DOT1L: variants seen among roughly 807,000 people sequenced by gnomAD.
DOT1L encodes the protein DOT1 like histone lysine methyltransferase.
Under a neutral mutation model 153.3 loss-of-function variants are expected in DOT1L, and 33 were observed. The observed-to-expected ratio is 0.22, with a 90% CI of 0.16 to 0.29. The LOEUF is 0.29. DOT1L is among the 10% of genes least tolerant of loss of function. The pLI, the probability that DOT1L is intolerant of heterozygous loss-of-function variation, is 1.00. For missense variants in DOT1L, 1,847 were observed against 2,119.9 expected, an observed-to-expected ratio of 0.87 and a Z score of 2.53; for synonymous variants, 1,135 against 965.1, an observed-to-expected ratio of 1.18 and a Z score of -3.26.
At chr19:2,170,930 A>G (rs918914290) in intron 1 of DOT1L, among the ~76,000 whole-genome samples, 1 of 152,036 alleles carries the variant, frequency 6.6e-6, no homozygotes, top group African/African-American at 2.4e-5. Flanking sequence ...GTCCCCCTCC[A>G]AGAGTCTCCC....
At chr19:2,218,554 T>C (rs1057455860) in intron 22 of DOT1L, among the ~76,000 whole-genome samples, 67 of 134,482 alleles carry the variant, frequency 5.0e-4, no homozygotes, top group Non-Finnish European at 7.1e-4. Context: ...CCACCACGCC[T>C]GGCTAATTTT....
chr19:2,224,559 T>C (rs1045991331), intron 25 of DOT1L, among the ~76,000 whole-genome samples: 1 of 150,918 alleles, frequency 6.6e-6, no homozygotes, highest in African/African-American at 2.4e-5. Flanking sequence ...CTCCGCCTCC[T>C]GGGTTCAAGT....
rs569621521 is a variant in DOT1L, at chr19:2,216,623, G to A, written c.2266G>A (p.Gly756Ser). 1.9e-5 allele frequency: 30 copies of A among 1,606,070 alleles called. No homozygotes were observed. In the African/African-American group the frequency reaches 2.8e-4, roughly 15 times the overall value. ...GGTGCCCTGTACCCCTAGCCACGTC[G>A]GCCGGCCGCGCCTGGAGAAGCTGTC... is the stretch of plus-strand genomic sequence containing the variant. ...EVVPCTPSHVGRPRLEKLSGL... is the reference protein window; with the variant it reads ...EVVPCTPSHVSRPRLEKLSGL... Residue 756 changes from glycine to serine, a missense_variant, in exon 20 of 28, where the codon GGC becomes AGC. Gly to Ser is a moderately conservative substitution (Grantham distance 56). Coordinates refer to ENST00000398665, the MANE Select transcript of DOT1L (RefSeq NM_032482.3).
At chr19:2,169,143 C>T (rs2020034602) in intron 1 of DOT1L, among the ~76,000 whole-genome samples, 1 of 152,058 alleles carries the variant, frequency 6.6e-6, no homozygotes, top group African/African-American at 2.4e-5. Context: ...ACAGCCTGGC[C>T]TGGAGCCCGG....
At chr19:2,178,611 G>T (rs1415597141) in intron 1 of DOT1L, among the ~76,000 whole-genome samples, 1 of 151,918 alleles carries the variant, frequency 6.6e-6, no homozygotes, top group Non-Finnish European at 1.5e-5. Context: ...TAGAGATGGG[G>T]TTTCATTGTG....
chr19:2,194,719 T>A, intron 7 of DOT1L, 142 bp downstream of exon 7: 1 of 873,466 alleles, frequency 1.1e-6, no homozygotes, highest in Non-Finnish European at 1.7e-6. Flanking sequence ...CTGGTTCTCG[T>A]AGGGCTGCCT....
chr19:2,185,808 CA>C (rs748068877), intron 2 of DOT1L, 46 bp from the exon 3 acceptor site: 23 of 1,593,826 alleles, frequency 1.4e-5, no homozygotes, highest in East Asian at 2.2e-5. Flanking sequence ...CAAAACAAAA[CA>C]AAAAAAACCA....
At chr19:2,198,454 T>A (rs2023109014) in intron 7 of DOT1L, among the ~76,000 whole-genome samples, 1 of 152,152 alleles carries the variant, frequency 6.6e-6, no homozygotes, top group Admixed American at 6.5e-5. Flanking sequence ...CCTCTGGATC[T>A]GCGTCTGGGT....
chr19:2,196,621 G>A (rs1229741942), intron 7 of DOT1L, among the ~76,000 whole-genome samples: 3 of 152,280 alleles, frequency 2.0e-5, no homozygotes, highest in Middle Eastern at 6.8e-3. Context: ...GTGAGCCACC[G>A]CGCCGGGCCT....
intron 6 of DOT1L, 126 bp from the exon 7 acceptor site, chr19:2,194,389 T>C: frequency 1.0e-6 from 1 of 982,784 alleles, no homozygotes; most frequent in Non-Finnish European, 1.6e-6. Context: ...GCCAGGATGG[T>C]CGCAATCTCC....
intron 1 of DOT1L, among the ~76,000 whole-genome samples, chr19:2,178,792 C>T (rs185988576): frequency 3.3e-5 from 5 of 152,116 alleles, no homozygotes; most frequent in Non-Finnish European, 7.3e-5. Flanking sequence ...GTCTCTATCT[C>T]CTGACCTCGT....
Position 2,226,450 on chromosome 19 carries a change from C to T in DOT1L, c.3929C>T (p.Thr1310Ile). 6.2e-7 allele frequency: 1 copy of T among 1,601,768 alleles called. No individual in the cohort carries two copies. Among genetic ancestry groups the T allele is most frequent in the Non-Finnish European group, 8.5e-7 (1 of 1,179,472 alleles). The change falls in exon 27 of 28, where the codon ACC becomes ATC. Residue 1310 changes from threonine (T) to isoleucine (I), a missense_variant. Thr to Ile is a moderately conservative substitution (Grantham distance 89). Around this residue, in one of 8 missense-constraint regions of DOT1L, gnomAD observed 934 missense variants for 825.3 expected, o/e 1.13. Coordinates refer to ENST00000398665, the MANE Select transcript of DOT1L (RefSeq NM_032482.3). ...LSGADGLSPG[T>I]NPANGCTFGG... ...GGGGCTGACGGACTCAGCCCGGGCA[C>T]CAACCCTGCCAACGGCTGCACCTTC...
At position 2,211,283 on chromosome 19, in the gene DOT1L, A is replaced by G. The variant is rs2023705463; in HGVS notation, c.1465+71A>G. ...CATCCCAGGAGGACCGTGGGTTGTG[A>G]CGCTGACCTCGCAGCAGCCCCCGTG... is the stretch of plus-strand genomic sequence containing the variant. On this transcript the variant is annotated intron_variant, in intron 15 of 27. Transcript: ENST00000398665. The G allele has an allele frequency of 3.7e-6, 5 of 1,363,258 alleles. No homozygotes were observed. The Admixed American group carries it at 8.4e-5, about 23-fold the overall frequency. 84.4% of individuals were successfully genotyped at this position (1,363,258 alleles called of 1,614,324 possible).
In DOT1L at chr19:2,226,886, G is replaced by A. The variant is rs759147922; in HGVS notation, c.4365G>A (p.Ala1455=). ...APAASSAGGA[A]SSAQTHRSFL... ...CGGCGTCCTCCGCAGGCGGCGCGGC[G>A]TCCTCCGCCCAGACGCACCGGTCCT... The change falls in exon 27 of 28, where the codon GCG becomes GCA. Residue 1455 remains alanine (A), a synonymous_variant. Coordinates refer to ENST00000398665, the MANE Select transcript of DOT1L (RefSeq NM_032482.3). 6.3e-6 allele frequency: 10 copies of A among 1,575,918 alleles called. No homozygotes were observed. The highest frequency in any genetic ancestry group is 1.7e-4 in the Middle Eastern group (1 of 5,772).
intron 2 of DOT1L, among the ~76,000 whole-genome samples, chr19:2,182,490 C>T (rs2022288573): frequency 6.6e-6 from 1 of 152,180 alleles, no homozygotes; most frequent in Non-Finnish European, 1.5e-5. Flanking sequence ...TGTGCCACCG[C>T]CCTCCAGCCA....
In DOT1L at chr19:2,220,504, C is replaced by T. The variant is rs1243599403; in HGVS notation, c.2806+282C>T. ...TCAGCCCGTGAGGTCGGCCCCAGTG[C>T]TCTCGGGGGCTCCTGTACTCACAGC... On this transcript the variant is annotated intron_variant, in intron 23 of 27. Coordinates refer to ENST00000398665, the MANE Select transcript of DOT1L (RefSeq NM_032482.3). The surrounding 1 kb of genome is among the most constrained non-coding windows in gnomAD (Gnocchi z 4.5). 1.8e-6 allele frequency: 1 copy of T among 542,808 alleles called. No homozygotes were observed. Among genetic ancestry groups the T allele is most frequent in the Non-Finnish European group, 3.5e-6 (1 of 282,518 alleles). 33.6% of individuals were successfully genotyped at this position (542,808 alleles called of 1,614,324 possible).
intron 3 of DOT1L, chr19:2,188,338 CTGGGGT>C (rs2022630643): frequency 6.9e-6 from 1 of 145,790 alleles, no homozygotes; most frequent in South Asian, 2.4e-4. Context: ...GGGGCTGGGG[CTGGGGT>C]GGGAGCAGGG....
chr19:2,181,547 G>C (rs539889626), intron 2 of DOT1L, among the ~76,000 whole-genome samples: 1 of 152,342 alleles, frequency 6.6e-6, no homozygotes, highest in African/African-American at 2.4e-5. Context: ...CAGGTTGTTT[G>C]AGGATTAAGT....
chr19:2,215,565 C>T (rs955364327), intron 19 of DOT1L: 1 of 152,396 alleles, frequency 6.6e-6, no homozygotes, highest in South Asian at 2.1e-4. Context: ...GCTGCCTTTT[C>T]AAATGACTGC....
Sources: gnomAD v4.1 joint callset for allele counts (sites outside exome capture counted in the v4.1 genomes callset) on GRCh38, gnomAD v4.1.1 for gene constraint, gnomAD v4.1.1 regional missense constraint, Gnocchi (gnomAD v3.1) non-coding constraint, MANE v1.5 for transcripts, NCBI Gene and HGNC (gene_info 2026-07-23, HGNC 2026-07-21) for gene names.